Variants in NGEF observed in about 807,000 individuals in gnomAD.
The protein encoded by NGEF is ephexin-1.
NGEF carries 31 observed loss-of-function variants against 80.9 expected under a neutral mutation model. The observed-to-expected ratio is 0.38, with a 90% CI of 0.29 to 0.52. The LOEUF (loss-of-function observed/expected upper bound fraction) is 0.52, where lower values mean the gene tolerates loss of function less well. NGEF is among the 20% of genes least tolerant of loss of function. The pLI is 0.84. For synonymous variants in NGEF, 371 were observed against 370.2 expected (o/e 1.00, Z -0.03); for missense variants, 709 against 926.2 (o/e 0.77, Z 3.04).
intron 3 of NGEF, 65 bp from the exon 4 acceptor site, chr2:232,927,251 G>A: frequency 6.8e-7 from 1 of 1,478,902 alleles, no homozygotes; most frequent in Non-Finnish European, 9.0e-7. Context: ...CGGCTGGCTA[G>A]CGAGGGGCGT....
rs6731201 is a variant in NGEF, at chr2:232,891,997, A to G, written c.1143-510T>C. On this transcript the variant is annotated intron_variant, in intron 7 of 14. Coordinates refer to ENST00000264051, the MANE Select transcript of NGEF (RefSeq NM_019850.3). ...CAGGGACGGCAGGGACAGCAGGGAC[A>G]GCAGGGACGGCAGGGACAGGTGCTC... Among the ~76,000 whole-genome samples, 835 of 152,150 alleles carry G rather than the reference A, an allele frequency of 5.5e-3. 6 individuals are homozygous for G. The highest frequency in any genetic ancestry group is 0.019 in the African/African-American group (800 of 41,502).
In NGEF at chr2:232,970,042, G is replaced by GT. The variant is rs1386503342; in HGVS notation, c.383+171dup. The GT allele has an allele frequency of 5.1e-3, 2,027 of 398,634 alleles. 31 individuals are homozygous for GT. Among genetic ancestry groups the GT allele is most frequent in the African/African-American group, 0.034 (1,601 of 46,828 alleles). The allele number at this position is 398,634 out of a possible 1,614,324, so 24.7% of individuals were successfully genotyped here. A position where few individuals can be genotyped will look rare whatever the true frequency, so the allele number is the denominator to read the frequency against. On this transcript the variant is annotated intron_variant, in intron 3 of 14. Transcript: ENST00000264051. The stretch of plus-strand genomic sequence containing the variant: ...TAAAAAATTACTGTACAAAACAAAA[G>GT]TTTTTTTTAAATTATGGAGTTTTTA...
intron 1 of NGEF, among the ~76,000 whole-genome samples, chr2:232,989,407 A>G (rs1694605913): frequency 1.3e-5 from 2 of 152,254 alleles, no homozygotes; most frequent in Admixed American, 1.3e-4. Context: ...AGATCGTGCC[A>G]CTGCACTCTA....
chr2:232,888,209 C>G (rs1691754802), intron 8 of NGEF, 102 bp from the exon 9 acceptor site: 1 of 749,674 alleles, frequency 1.3e-6, no homozygotes, highest in East Asian at 2.5e-5. Flanking sequence ...AGTCCAGCCC[C>G]ATGCTGCAGC....
chr2:232,882,784 T>C (rs1691548763), intron 12 of NGEF, among the ~76,000 whole-genome samples: 1 of 152,126 alleles, frequency 6.6e-6, no homozygotes, highest in South Asian at 2.1e-4. Flanking sequence ...TGCACTGCAA[T>C]CTCAGCTCAC....
In NGEF at chr2:232,927,074, CG is replaced by C; in HGVS notation, c.495del (p.Asp166ThrfsTer10). On this transcript the variant is annotated frameshift_variant, in exon 4 of 15. Coordinates refer to ENST00000264051, the MANE Select transcript of NGEF (RefSeq NM_019850.3). LOFTEE classifies it high-confidence loss of function. ...EALRMIHPIP[A>X]DSWRNLIEQI... is the part of the protein sequence containing the mutation. ...TGTTCAATGAGGTTTCTCCAGGAGTCGGCGGGAATGGGGTGGATCATCCGCA... is the reference window on the plus strand; with the variant it reads ...TGTTCAATGAGGTTTCTCCAGGAGTCGCGGGAATGGGGTGGATCATCCGCA... The C allele has an allele frequency of 6.2e-7, 1 of 1,613,988 alleles. No homozygotes were observed. The highest frequency in any genetic ancestry group is 8.5e-7 in the Non-Finnish European group (1 of 1,179,988).
At chr2:232,887,007 A>G (rs1232250145) in intron 9 of NGEF, among the ~76,000 whole-genome samples, 1 of 152,264 alleles carries the variant, frequency 6.6e-6, no homozygotes, top group Non-Finnish European at 1.5e-5. Flanking sequence ...GGAAAGGGAC[A>G]GGAGGAGTGG....
chr2:232,891,372 T>G lies in NGEF; in HGVS notation c.1258A>C (p.Lys420Gln). ...GGAGGCTGTACCTGGACCAACAGCTTGAGGCGTGTGATCCTCTGGAAAGGC... is the reference window on the plus strand; with the variant it reads ...GGAGGCTGTACCTGGACCAACAGCTGGAGGCGTGTGATCCTCTGGAAAGGC... ...ILPFQRITRL[K>Q]LLVQNILKRV... is the part of the protein sequence containing the mutation. Residue 420 changes from lysine (K) to glutamine (Q), a missense_variant, in exon 8 of 15, where the codon AAG (lysine) becomes CAG (glutamine). Around this residue, in one of 2 missense-constraint regions of NGEF, gnomAD observed 426 missense variants for 622.9 expected, o/e 0.68. Coordinates refer to ENST00000264051, the MANE Select transcript of NGEF (RefSeq NM_019850.3). The G allele has an allele frequency of 6.2e-7, 1 of 1,613,588 alleles. No individual in the cohort carries two copies. The highest frequency in any genetic ancestry group is 8.5e-7 in the Non-Finnish European group (1 of 1,179,948).
At chr2:233,005,272 G>A (rs546229722) in intron 1 of NGEF, among the ~76,000 whole-genome samples, 17 of 152,304 alleles carry the variant, frequency 1.1e-4, no homozygotes, top group African/African-American at 3.9e-4. Context: ...CTGGCAGGTC[G>A]CTCCGCAGAT....
chr2:232,906,374 C>A (rs868285288), intron 5 of NGEF, among the ~76,000 whole-genome samples: 23 of 134,122 alleles, frequency 1.7e-4, no homozygotes, highest in African/African-American at 6.0e-4. Flanking sequence ...CCCGGCCAGC[C>A]GCCCCGTCCG....
intron 3 of NGEF, among the ~76,000 whole-genome samples, chr2:232,968,324 G>A (rs1054246887): frequency 4.6e-5 from 7 of 152,142 alleles, no homozygotes; most frequent in Non-Finnish European, 1.0e-4. Flanking sequence ...CTAACCTCAG[G>A]TGATCTGCCC....
intron 3 of NGEF, among the ~76,000 whole-genome samples, chr2:232,940,732 G>T (rs1693419536): frequency 6.6e-6 from 1 of 152,154 alleles, no homozygotes; most frequent in Admixed American, 6.5e-5. Context: ...AAACTGGATG[G>T]TAGTATGCTC....
chr2:232,915,612 T>G (rs914138481), intron 5 of NGEF, among the ~76,000 whole-genome samples: 2 of 152,172 alleles, frequency 1.3e-5, no homozygotes, highest in African/African-American at 4.8e-5. Context: ...ATTCCCCATC[T>G]TCCTGCTGGG....
chr2:232,892,853 C>T lies in NGEF; in HGVS notation c.1142+45G>A, dbSNP rs113647859. 2,463 of 1,595,048 alleles carry T rather than the reference C, an allele frequency of 1.5e-3. 31 individuals are homozygous for T. In the African/African-American group the frequency reaches 0.029, roughly 19 times the overall value. On this transcript the variant is annotated intron_variant, in intron 7 of 14. Coordinates refer to ENST00000264051, the MANE Select transcript of NGEF (RefSeq NM_019850.3). The surrounding 1 kb of genome is among the most constrained non-coding windows in gnomAD (Gnocchi z 4.0). ...TGGGCCAGCACTGGTATGGCTGCCC[C>T]GGGCACCTCCCCCTGCCCCTGAGCC...
At chr2:232,964,961 G>C (rs1694026477) in intron 3 of NGEF, among the ~76,000 whole-genome samples, 1 of 152,246 alleles carries the variant, frequency 6.6e-6, no homozygotes, top group Non-Finnish European at 1.5e-5. Flanking sequence ...TGATGGTCAA[G>C]GAGGTGTAGT....
intron 4 of NGEF, among the ~76,000 whole-genome samples, chr2:232,921,962 C>A (rs1167655709): frequency 6.6e-6 from 1 of 152,170 alleles, no homozygotes; most frequent in Non-Finnish European, 1.5e-5. Context: ...AGAGGCCCCA[C>A]TGGAGGAGAT....
In NGEF at chr2:232,974,640, T is replaced by C; in HGVS notation, c.251A>G (p.Asn84Ser). 3 of 1,614,030 alleles carry C rather than the reference T, an allele frequency of 1.9e-6. No individual in the cohort carries two copies. The highest frequency in any genetic ancestry group is 1.7e-6 in the Non-Finnish European group (2 of 1,179,978). The change falls in exon 2 of 15, where the codon AAC becomes AGC. Residue 84 changes from asparagine (N) to serine (S), a missense_variant. Transcript: ENST00000264051. ...KAKARDNPERNASCLADSQDN... is the reference protein window; with the variant it reads ...KAKARDNPERSASCLADSQDN... ...ATACTGACCTGCCAGGCAGCTGGCGTTCCGTTCGGGGTTGTCTCTGGCCTT... is the reference window on the plus strand; with the variant it reads ...ATACTGACCTGCCAGGCAGCTGGCGCTCCGTTCGGGGTTGTCTCTGGCCTT...
intron 1 of NGEF, among the ~76,000 whole-genome samples, chr2:233,008,612 A>G (rs1013532084): frequency 2.0e-5 from 3 of 152,160 alleles, no homozygotes; most frequent in African/African-American, 7.2e-5. Context: ...GTGGTTCCCA[A>G]GCTTCTCTCA....
intron 5 of NGEF, among the ~76,000 whole-genome samples, chr2:232,907,179 G>GAAAA (rs1455116424): frequency 7.8e-5 from 2 of 25,500 alleles, no homozygotes; most frequent in Non-Finnish European, 8.2e-5. Flanking sequence ...AAAAAGAAAA[G>GAAAA]AAAAAAAAGA....
Sources: allele counts gnomAD v4.1 joint callset (sites outside exome capture counted in the v4.1 genomes callset), GRCh38; gene constraint gnomAD v4.1.1; regional missense constraint gnomAD v4.1.1; non-coding constraint Gnocchi (gnomAD v3.1); transcripts MANE v1.5; gene names NCBI Gene and HGNC (gene_info 2026-07-23, HGNC 2026-07-21).